The following CETP variants were observed in gnomAD, a reference collection of about 807,000 sequenced individuals.
The protein encoded by CETP is BPI fold containing family F.
In CETP, 56 loss-of-function variants were observed where a neutral mutation model predicts 66.5. That is an observed-to-expected ratio of 0.84 (90% CI 0.68 to 1.05). The LOEUF (loss-of-function observed/expected upper bound fraction) is 1.05. Ranked by LOEUF, CETP falls within the 50% of genes least tolerant of loss-of-function variation. The probability of loss-of-function intolerance (pLI) is 0.00; values close to 1 mark genes in which losing one functional copy is unlikely to be tolerated. For missense variants in CETP, 612 were observed against 609.6 expected, an observed-to-expected ratio of 1.00 and a Z score of -0.04; for synonymous variants, 251 against 245.7, an observed-to-expected ratio of 1.02 and a Z score of -0.20.
At chr16:56,980,212 T>A (rs1340608453) in intron 11 of CETP, among the ~76,000 whole-genome samples, 1 of 152,230 alleles carries the variant, frequency 6.6e-6, no homozygotes, top group Non-Finnish European at 1.5e-5. Flanking sequence ...TGATCCAGGA[T>A]AGCACATTGT....
intron 4 of CETP, 84 bp downstream of exon 4, chr16:56,969,765 G>C: frequency 1.3e-6 from 2 of 1,574,658 alleles, no homozygotes; most frequent in South Asian, 1.1e-5. Flanking sequence ...GCAGGCAGAG[G>C]GTTCTGGGGC....
chr16:56,963,148 C>T (rs2056037650), intron 2 of CETP, 24 bp downstream of exon 2: 1 of 1,590,340 alleles, frequency 6.3e-7, no homozygotes, highest in South Asian at 1.1e-5. Flanking sequence ...CGGGTGTGAC[C>T]AGGCTGGGGG....
intron 3 of CETP, 21 bp downstream of exon 3, chr16:56,969,541 A>C: frequency 6.2e-7 from 1 of 1,614,212 alleles, no homozygotes; most frequent in Non-Finnish European, 8.5e-7. Context: ...CTGTCAGCTG[A>C]TGCCCCATGC....
chr16:56,982,276 G>A (rs374012393), intron 14 of CETP, 39 bp downstream of exon 14: 157 of 1,593,544 alleles, frequency 9.9e-5, no homozygotes, highest in Non-Finnish European at 1.3e-4. Flanking sequence ...TGCCGAGGCT[G>A]ACAGAGCTTC....
At chr16:56,976,397 A>G (rs1279257264) in intron 10 of CETP, among the ~76,000 whole-genome samples, 1 of 151,114 alleles carries the variant, frequency 6.6e-6, no homozygotes, top group Non-Finnish European at 1.5e-5. Context: ...GTTGTTTCCC[A>G]CCCAGCGTAA....
chr16:56,983,661 A>G lies in CETP; in HGVS notation c.1477A>G (p.Ser493Gly). The change falls in exon 16 of 16, where the codon AGC (serine) becomes GGC (glycine). Residue 493 changes from serine to glycine, a missense_variant. Physicochemically the swap from Ser to Gly is moderately conservative, Grantham distance 56. Coordinates refer to ENST00000200676, the MANE Select transcript of CETP (RefSeq NM_000078.3). The part of the protein sequence containing the change: ...HLLVDFLQSL[S>G] ...GCTGGTGGATTTCCTCCAGAGCTTG[A>G]GCTAGAAGTCTCCAAGGAGGTCGGG... 1.2e-6 allele frequency: 2 copies of G among 1,614,076 alleles called. No individual in the cohort carries two copies. The highest frequency in any genetic ancestry group is 4.5e-5 in the East Asian group (2 of 44,878).
rs755974725 is a variant in CETP at position 56,978,860 on chromosome 16, G to T, written c.1146+605G>T. 5.4e-4 allele frequency among the ~76,000 whole-genome samples: 82 copies of T among 151,756 alleles called. 1 individual carries two copies. The highest frequency in any genetic ancestry group is 5.9e-4 in the Admixed American group (9 of 15,254). On this transcript the variant is annotated intron_variant, in intron 11 of 15. Transcript: ENST00000200676. The stretch of plus-strand genomic sequence containing the variant: ...TATTTTTTTGACACAGAGTCTCACT[G>T]TGTTGCCCAGGCTGGAGTGCGGTGG...
intron 2 of CETP, among the ~76,000 whole-genome samples, chr16:56,967,850 C>T (rs1437624196): frequency 2.6e-5 from 4 of 151,442 alleles, no homozygotes; most frequent in Non-Finnish European, 5.9e-5. Flanking sequence ...GCCTGTGGTC[C>T]CAGCTATTCC....
Position 56,981,605 on chromosome 16 carries a change from G to T in CETP, c.1215-42G>T, listed in dbSNP as rs760423656. On this transcript the variant is annotated intron_variant, in intron 12 of 15. Coordinates refer to ENST00000200676, the MANE Select transcript of CETP (RefSeq NM_000078.3). ...TTTCCCAGGGGATGTTACAGGAGGG[G>T]GCCCAATGGAGGGTCAAATTATCAT... The T allele has an allele frequency of 4.0e-5, 65 of 1,609,160 alleles. 1 individual carries two copies. Among genetic ancestry groups the T allele is most frequent in the Non-Finnish European group, 5.3e-5 (62 of 1,175,566 alleles).
chr16:56,981,480 G>A (rs1026040377), intron 12 of CETP, among the ~76,000 whole-genome samples, 167 bp from the exon 13 acceptor site: 7 of 152,338 alleles, frequency 4.6e-5, no homozygotes, highest in Non-Finnish European at 8.8e-5. Flanking sequence ...AGGCCTGGCC[G>A]CCAGAATAGC....
intron 10 of CETP, among the ~76,000 whole-genome samples, 188 bp from the exon 11 acceptor site, chr16:56,977,903 A>C (rs1359493697): frequency 2.0e-5 from 3 of 152,218 alleles, no homozygotes; most frequent in African/African-American, 7.2e-5. Flanking sequence ...CACAGATGAG[A>C]AACTGAGGCC....
At position 56,973,504 on chromosome 16, in the gene CETP, G is replaced by A. The variant is rs1433018102; in HGVS notation, c.924G>A (p.Glu308=). Residue 308 remains glutamate (E), a synonymous_variant, in exon 9 of 16, where the codon GAG becomes GAA. Transcript: ENST00000200676. Reference sequence around the variant, plus strand: ...TCATGCTCAGCCTGATGGGAGACGAGTTCAAGGTGAGTGGGTGGGGCTGGG... The same window carrying A: ...TCATGCTCAGCCTGATGGGAGACGAATTCAAGGTGAGTGGGTGGGGCTGGG... The part of the protein sequence containing the change: ...GRLMLSLMGD[E]FKAVLETWGF... 1.9e-6 allele frequency: 3 copies of A among 1,614,194 alleles called. No individual in the cohort carries two copies. The highest frequency in any genetic ancestry group is 1.7e-6 in the Non-Finnish European group (2 of 1,180,036).
At chr16:56,972,670 G>A (rs1006978332) in intron 8 of CETP, among the ~76,000 whole-genome samples, 1 of 152,174 alleles carries the variant, frequency 6.6e-6, no homozygotes, top group Non-Finnish European at 1.5e-5. Flanking sequence ...CAGCCCGTTG[G>A]CCTGAACCTG....
At chr16:56,963,994 A>AT (rs1285628183) in intron 2 of CETP, among the ~76,000 whole-genome samples, 6 of 12,164 alleles carry the variant, frequency 4.9e-4, no homozygotes, top group African/African-American at 6.2e-4. Context: ...TCTTTATTTT[A>AT]TTTATTTATT....
rs2056204625 is a variant in CETP, at chr16:56,983,645, T to C, written c.1461T>C (p.Asp487=). 1 of 1,614,138 alleles carries C rather than the reference T, an allele frequency of 6.2e-7. No individual in the cohort carries two copies. Among genetic ancestry groups the C allele is most frequent in the Non-Finnish European group, 8.5e-7 (1 of 1,179,984 alleles). ...GCTTCCCTGAGCACCTGCTGGTGGA[T>C]TTCCTCCAGAGCTTGAGCTAGAAGT... The part of the protein sequence containing the change: ...DFGFPEHLLV[D]FLQSLS The change falls in exon 16 of 16, where the codon GAT becomes GAC. Residue 487 remains aspartate, a synonymous_variant. Coordinates refer to ENST00000200676, the MANE Select transcript of CETP (RefSeq NM_000078.3).
Position 56,962,090 on chromosome 16 carries a change from C to T in CETP, c.111C>T (p.Leu37=). The T allele has an allele frequency of 6.2e-7, 1 of 1,613,438 alleles. No homozygotes were observed. The highest frequency in any genetic ancestry group is 8.5e-7 in the Non-Finnish European group (1 of 1,179,428). Residue 37 remains leucine, a synonymous_variant, in exon 1 of 16, where the codon CTC becomes CTT. Coordinates refer to ENST00000200676, the MANE Select transcript of CETP (RefSeq NM_000078.3). The stretch of plus-strand genomic sequence containing the variant: ...TGTGCCGCATCACCAAGCCTGCCCT[C>T]CTGGTGTGTAAGTATCAGTGCATCT... ...GIVCRITKPA[L]LVLNHETAKV...
intron 12 of CETP, 137 bp from the exon 13 acceptor site, chr16:56,981,510 A>G: frequency 9.1e-7 from 1 of 1,103,758 alleles, no homozygotes; most frequent in Non-Finnish European, 1.4e-6. Flanking sequence ...GGGAATAGCA[A>G]ATCTCAAGAG....
At chr16:56,962,962 G>A (rs781763228) in intron 1 of CETP, 48 bp from the exon 2 acceptor site, 2 of 1,541,902 alleles carry the variant, frequency 1.3e-6, no homozygotes, top group African/African-American at 2.7e-5. Flanking sequence ...TGGGAGCAGG[G>A]GGCTTGGTGT....
intron 8 of CETP, among the ~76,000 whole-genome samples, chr16:56,972,328 C>A (rs1478888416): frequency 1.3e-5 from 2 of 152,204 alleles, no homozygotes; most frequent in African/African-American, 4.8e-5. Context: ...CAGCAAAGCA[C>A]CAGCTCCTTC....
Sources: gnomAD v4.1 joint callset for allele counts (sites outside exome capture counted in the v4.1 genomes callset) on GRCh38, gnomAD v4.1.1 for gene constraint, MANE v1.5 for transcripts, NCBI Gene and HGNC (gene_info 2026-07-23, HGNC 2026-07-21) for gene names.